ALK: variants seen among roughly 807,000 people sequenced by gnomAD.
The protein encoded by ALK is ALK tyrosine kinase receptor.
In ALK, 74 loss-of-function variants were observed where a neutral mutation model predicts 163.1. That is an observed-to-expected ratio of 0.45 (90% CI 0.38 to 0.55). The LOEUF (loss-of-function observed/expected upper bound fraction) is 0.55. ALK is among the 20% of genes least tolerant of loss of function. The pLI is 0.00. For synonymous variants in ALK, 960 were observed against 843.2 expected (o/e 1.14, Z -2.40); for missense variants, 2,063 against 2,105.3 (o/e 0.98, Z 0.39).
intron 4 of ALK, among the ~76,000 whole-genome samples, chr2:29,502,049 T>C (rs1412462014): frequency 6.6e-6 from 1 of 152,226 alleles, no homozygotes; most frequent in Admixed American, 6.5e-5. Context: ...CCACATTTTG[T>C]TTATCCATTT....
intron 1 of ALK, among the ~76,000 whole-genome samples, chr2:29,819,341 A>G (rs761632424): frequency 1.3e-5 from 2 of 152,214 alleles, no homozygotes; most frequent in Non-Finnish European, 2.9e-5. Context: ...CTGCTGCTCA[A>G]TTCACATGGA....
intron 1 of ALK, among the ~76,000 whole-genome samples, chr2:29,901,931 A>G (rs1163044234): frequency 6.6e-6 from 1 of 152,210 alleles, no homozygotes; most frequent in African/African-American, 2.4e-5. Flanking sequence ...AAAATTCATC[A>G]GGGAAGCAGA....
intron 1 of ALK, among the ~76,000 whole-genome samples, chr2:29,830,993 A>G (rs1165699208): frequency 5.8e-5 from 3 of 51,560 alleles, no homozygotes; most frequent in Non-Finnish European, 1.2e-4. Flanking sequence ...AAGAAGAAGA[A>G]GAAGAAGAAG....
intron 4 of ALK, among the ~76,000 whole-genome samples, chr2:29,509,363 G>A (rs59051886): frequency 0.022 from 3,282 of 152,252 alleles, 110 homozygotes; most frequent in African/African-American, 0.074. Context: ...GGAGAACAGG[G>A]GTTCCTTCAA....
intron 3 of ALK, among the ~76,000 whole-genome samples, chr2:29,639,304 T>C (rs1676633528): frequency 6.6e-6 from 1 of 152,096 alleles, no homozygotes; most frequent in African/African-American, 2.4e-5. Flanking sequence ...GGGTTCCTCT[T>C]CTAGAAACCC....
rs781773239 is a variant in ALK, at chr2:29,678,323, C to G, written c.952+16527G>C. Reference sequence around the variant, plus strand: ...TTTCTACTCAATCTTTATTTCCTTTCTTCTGCATGCTTTTACATCGCATGT... The same window carrying G: ...TTTCTACTCAATCTTTATTTCCTTTGTTCTGCATGCTTTTACATCGCATGT... On this transcript the variant is annotated intron_variant, in intron 3 of 28. Transcript: ENST00000389048. 8.6e-4 allele frequency among the ~76,000 whole-genome samples: 131 copies of G among 151,658 alleles called. 1 individual carries two copies. The highest frequency in any genetic ancestry group is 2.2e-4 in the Non-Finnish European group (15 of 67,790).
chr2:29,282,163 T>G (rs901293349), intron 9 of ALK, among the ~76,000 whole-genome samples: 1 of 152,150 alleles, frequency 6.6e-6, no homozygotes, highest in African/African-American at 2.4e-5. Context: ...CTGCTGGTGC[T>G]TGTCTGGGCC....
intron 5 of ALK, among the ~76,000 whole-genome samples, chr2:29,335,369 T>C (rs1298850464): frequency 6.6e-6 from 1 of 152,232 alleles, no homozygotes; most frequent in East Asian, 1.9e-4. Flanking sequence ...CAATGTGTTT[T>C]CTTTACCCTT....
chr2:29,240,037 C>T (rs1014545707), intron 12 of ALK, among the ~76,000 whole-genome samples: 1 of 151,692 alleles, frequency 6.6e-6, no homozygotes, highest in South Asian at 2.1e-4. Context: ...TTGCCTCAGT[C>T]ACAGAACTAA....
chr2:29,572,780 G>A (rs1316890988), intron 3 of ALK, among the ~76,000 whole-genome samples: 2 of 152,132 alleles, frequency 1.3e-5, no homozygotes, highest in African/African-American at 4.8e-5. Context: ...CAAATATTTT[G>A]TCTTGGGAAA....
At chr2:29,769,933 C>T (rs1680970958) in intron 1 of ALK, among the ~76,000 whole-genome samples, 1 of 152,158 alleles carries the variant, frequency 6.6e-6, no homozygotes, top group Admixed American at 6.5e-5. Context: ...CCCTATTTTC[C>T]CAGAACTCCT....
At position 29,200,772 on chromosome 2, in the gene ALK, C is replaced by CGTATATATATACGTATATAT. The variant is rs1558608801; in HGVS notation, c.3939-3097_3939-3096insATATATACGTATATATATAC. Among the ~76,000 whole-genome samples, 3 of 110,974 alleles carry CGTATATATATACGTATATAT rather than the reference C, an allele frequency of 2.7e-5. 1 individual carries two copies. The Admixed American group carries it at 3.1e-4, about 12-fold the overall frequency. 72.8% of individuals were successfully genotyped at this position (110,974 alleles called of 152,430 possible). A position where few individuals can be genotyped will look rare whatever the true frequency, so the allele number is the denominator to read the frequency against. On this transcript the variant is annotated intron_variant, in intron 26 of 28. Coordinates refer to ENST00000389048, the MANE Select transcript of ALK (RefSeq NM_004304.5). ...ATATACGTATATATGTATATATATA[C>CGTATATATATACGTATATAT]GTATATATATGTATATACATGTATA...
intron 4 of ALK, among the ~76,000 whole-genome samples, chr2:29,434,834 C>A (rs191422880): frequency 1.6e-3 from 246 of 152,252 alleles, no homozygotes; most frequent in Middle Eastern, 0.014. Context: ...TGCCTTTTTC[C>A]ATTAGGTCCA....
chr2:29,487,070 T>A (rs1299136401), intron 4 of ALK, among the ~76,000 whole-genome samples: 1 of 152,208 alleles, frequency 6.6e-6, no homozygotes, highest in East Asian at 1.9e-4. Context: ...GGGATCATTT[T>A]CTTCAGGAAG....
intron 3 of ALK, among the ~76,000 whole-genome samples, chr2:29,542,845 A>G (rs1558376300): frequency 6.6e-6 from 1 of 152,344 alleles, no homozygotes; most frequent in Middle Eastern, 3.4e-3. Flanking sequence ...TCTGTCAATC[A>G]GAAAACACAT....
intron 1 of ALK, among the ~76,000 whole-genome samples, chr2:29,759,491 A>G (rs1489220486): frequency 1.3e-5 from 2 of 152,188 alleles, no homozygotes; most frequent in Non-Finnish European, 2.9e-5. Context: ...GAGGAATGTC[A>G]CTTTGATTTA....
At chr2:29,242,886 T>C (rs1213050000) in intron 12 of ALK, among the ~76,000 whole-genome samples, 2 of 152,190 alleles carry the variant, frequency 1.3e-5, no homozygotes, top group Non-Finnish European at 2.9e-5. Context: ...TCCTGGGTGG[T>C]GGCCTCAGCC....
chr2:29,501,467 C>T lies in ALK; in HGVS notation c.1154+30448G>A, dbSNP rs113219949. On this transcript the variant is annotated intron_variant, in intron 4 of 28. Coordinates refer to ENST00000389048, the MANE Select transcript of ALK (RefSeq NM_004304.5). ...CCATGTCCTTACTGGTTTGCTGCTC[C>T]TGCAAATTCTCACCACTCTTCCCGT... 2.6e-5 allele frequency among the ~76,000 whole-genome samples: 4 copies of T among 152,308 alleles called. No individual in the cohort carries two copies. In the South Asian group the frequency reaches 6.2e-4, roughly 24 times the overall value.
chr2:29,516,883 G>GT (rs1672681873), intron 4 of ALK, among the ~76,000 whole-genome samples: 1 of 152,232 alleles, frequency 6.6e-6, no homozygotes, highest in South Asian at 2.1e-4. Flanking sequence ...AGTATGTCTT[G>GT]TTTTCTATCT....
Sources: allele counts gnomAD v4.1 joint callset (sites outside exome capture counted in the v4.1 genomes callset), GRCh38; gene constraint gnomAD v4.1.1; transcripts MANE v1.5; gene names NCBI Gene and HGNC (gene_info 2026-07-23, HGNC 2026-07-21).